Variants in AIDA observed in about 807,000 individuals in gnomAD.
AIDA encodes axin interactor, dorsalization associated.
In AIDA, 18 loss-of-function variants were observed where a neutral mutation model predicts 42.7. The ratio of observed to expected loss-of-function variants is 0.42; its 90% CI spans 0.29 to 0.63. The LOEUF (loss-of-function observed/expected upper bound fraction) is 0.63, where lower values mean the gene tolerates loss of function less well. Among genes scored for constraint, AIDA ranks in the 20% least tolerant of loss-of-function variants. The pLI is 0.19. For synonymous variants in AIDA, 104 were observed against 122.9 expected, an observed-to-expected ratio of 0.85 and a Z score of 1.02; for missense variants, 250 against 354.1, an observed-to-expected ratio of 0.71 and a Z score of 2.36.
chr1:222,705,831 C>T (rs1006916256), intron 1 of AIDA, among the ~76,000 whole-genome samples: 2 of 152,072 alleles, frequency 1.3e-5, no homozygotes, highest in Admixed American at 6.5e-5. Flanking sequence ...GTGCAGTGAG[C>T]CAAGATCGCA....
intron 3 of AIDA, 27 bp from the exon 4 acceptor site, chr1:222,693,870 C>A (rs1571935436): frequency 6.4e-7 from 1 of 1,552,870 alleles, no homozygotes. Flanking sequence ...CATATTACAT[C>A]TTTTCACTAC....
At chr1:222,698,105 T>C (rs574928674) in intron 2 of AIDA, among the ~76,000 whole-genome samples, 1 of 152,334 alleles carries the variant, frequency 6.6e-6, no homozygotes, top group African/African-American at 2.4e-5. Context: ...CCAGTTGTTA[T>C]AATGACAACA....
At chr1:222,677,464 GT>G (rs1400887582) in intron 6 of AIDA, among the ~76,000 whole-genome samples, 1 of 152,098 alleles carries the variant, frequency 6.6e-6, no homozygotes, top group Non-Finnish European at 1.5e-5. Flanking sequence ...GAGGAAAATA[GT>G]TAACAGGAGG....
intron 1 of AIDA, among the ~76,000 whole-genome samples, chr1:222,704,341 A>T (rs1655786448): frequency 1.3e-5 from 2 of 152,190 alleles, no homozygotes; most frequent in African/African-American, 4.8e-5. Flanking sequence ...TATCCAAGAG[A>T]ACTGAAAAAC....
At chr1:222,689,479 G>GTGTATGTA (rs1553294351) in intron 4 of AIDA, among the ~76,000 whole-genome samples, 1 of 45,250 alleles carries the variant, frequency 2.2e-5, no homozygotes, top group Admixed American at 1.9e-4. Context: ...ATGTGTGTGT[G>GTGTATGTA]TGTATATATA....
intron 2 of AIDA, 62 bp from the exon 3 acceptor site, chr1:222,694,325 CA>C: frequency 7.5e-7 from 1 of 1,331,108 alleles, no homozygotes; most frequent in Non-Finnish European, 1.1e-6. Flanking sequence ...TTCAAATCAT[CA>C]AGTTAATTTT....
At chr1:222,711,891 G>A in intron 1 of AIDA, 1 of 288,514 alleles carries the variant, frequency 3.5e-6, no homozygotes, top group South Asian at 3.8e-5. Context: ...CCAAGTGGGG[G>A]ACCCGCGAGA....
rs563735125 is a variant in AIDA, at chr1:222,712,104, G to A, written c.110+104C>T. On this transcript the variant is annotated intron_variant, in intron 1 of 9. Transcript: ENST00000340020. ...CCCAGTGCCTGCGGAGCCCCACCCT[G>A]AGAAGCCTTGGCTGCAGATACGGTG... The A allele has an allele frequency of 6.3e-5, 95 of 1,519,598 alleles. No homozygotes were observed. In the South Asian group the frequency reaches 1.1e-3, roughly 17 times the overall value. The allele number at this position is 1,519,598 out of a possible 1,614,324, so 94.1% of individuals were successfully genotyped here. A position where few individuals can be genotyped will look rare whatever the true frequency, so the allele number is the denominator to read the frequency against.
chr1:222,670,962 T>G (rs1184370123), intron 8 of AIDA, among the ~76,000 whole-genome samples: 3 of 152,164 alleles, frequency 2.0e-5, no homozygotes, highest in African/African-American at 7.2e-5. Context: ...CTCATGCCTG[T>G]AATCCCAGCA....
chr1:222,688,228 C>T (rs1356733339), intron 4 of AIDA, among the ~76,000 whole-genome samples: 1 of 152,126 alleles, frequency 6.6e-6, no homozygotes, highest in East Asian at 1.9e-4. Context: ...AAAAGATGCC[C>T]AGTTAGAGAT....
intron 2 of AIDA, among the ~76,000 whole-genome samples, chr1:222,701,882 C>T (rs1435048488): frequency 6.6e-6 from 1 of 152,102 alleles, no homozygotes; most frequent in East Asian, 1.9e-4. Flanking sequence ...CACCACTACA[C>T]TCAGCTAATT....
intron 4 of AIDA, among the ~76,000 whole-genome samples, chr1:222,690,349 T>C (rs761607186): frequency 1.5e-4 from 23 of 152,346 alleles, no homozygotes; most frequent in Non-Finnish European, 3.1e-4. Context: ...TTCTGGCATG[T>C]AAACTTAAAG....
At chr1:222,676,038 A>G (rs1664537074) in intron 7 of AIDA, 58 bp downstream of exon 7, 2 of 1,513,744 alleles carry the variant, frequency 1.3e-6, no homozygotes, top group Non-Finnish European at 1.8e-6. Flanking sequence ...ACTGTCCCAA[A>G]TGAGAAGCAA....
chr1:222,688,954 G>C (rs1038272743), intron 4 of AIDA, among the ~76,000 whole-genome samples: 16 of 152,048 alleles, frequency 1.1e-4, no homozygotes, highest in African/African-American at 3.9e-4. Flanking sequence ...CTCCATGTGT[G>C]TTACTGCCCT....
chr1:222,680,977 C>A (rs753711659), intron 6 of AIDA, among the ~76,000 whole-genome samples: 2 of 151,720 alleles, frequency 1.3e-5, no homozygotes, highest in Admixed American at 6.6e-5. Flanking sequence ...TAAGTGGACA[C>A]AAGAGATGAC....
intron 8 of AIDA, 33 bp downstream of exon 8, chr1:222,673,280 A>G (rs371361715): frequency 1.3e-6 from 2 of 1,575,736 alleles, no homozygotes; most frequent in African/African-American, 1.4e-5. Flanking sequence ...AATTCTGTCC[A>G]TAAGAAGCCA....
intron 6 of AIDA, among the ~76,000 whole-genome samples, chr1:222,677,702 T>C (rs1265774481): frequency 6.6e-6 from 1 of 152,154 alleles, no homozygotes; most frequent in Non-Finnish European, 1.5e-5. Context: ...CTAATGTGAA[T>C]TACCTTGATA....
At chr1:222,696,812 G>A (rs1224496126) in intron 2 of AIDA, among the ~76,000 whole-genome samples, 1 of 152,018 alleles carries the variant, frequency 6.6e-6, no homozygotes, top group Non-Finnish European at 1.5e-5. Context: ...TTTCTTTACT[G>A]TAAAATCCAT....
At chr1:222,693,716 T>A in intron 4 of AIDA, 73 bp downstream of exon 4, 1 of 1,242,742 alleles carries the variant, frequency 8.0e-7, no homozygotes, top group South Asian at 1.4e-5. Flanking sequence ...TAATCTTTGT[T>A]AAATAGCCTT....
Sources: allele counts gnomAD v4.1 joint callset (sites outside exome capture counted in the v4.1 genomes callset), GRCh38; gene constraint gnomAD v4.1.1; transcripts MANE v1.5; gene names NCBI Gene and HGNC (gene_info 2026-07-23, HGNC 2026-07-21).